The following CYP2C19 variants were observed in gnomAD, a reference collection of about 807,000 sequenced individuals.
CYP2C19 encodes cytochrome P450 2C19.
CYP2C19 carries 59 observed loss-of-function variants against 40.9 expected under a neutral mutation model. The observed-to-expected ratio is 1.44, with a 90% CI of 1.17 to 1.79. The LOEUF (loss-of-function observed/expected upper bound fraction) is 1.79. Among genes scored for constraint, CYP2C19 ranks in the 40% most tolerant of loss-of-function variants. The probability of loss-of-function intolerance (pLI) is 0.00; values close to 1 mark genes in which losing one functional copy is unlikely to be tolerated. For missense variants in CYP2C19, 754 were observed against 596.9 expected (o/e 1.26, Z -2.74); for synonymous variants, 253 against 208.7 (o/e 1.21, Z -1.83).
chr10:94,800,367 T>C (rs1381869889), intron 5 of CYP2C19, among the ~76,000 whole-genome samples: 3 of 152,116 alleles, frequency 2.0e-5, no homozygotes, highest in Non-Finnish European at 4.4e-5. Context: ...GAACAGCAAA[T>C]ATTGCTGCCT....
intron 5 of CYP2C19, among the ~76,000 whole-genome samples, chr10:94,807,732 G>A (rs1352467681): frequency 1.3e-5 from 2 of 151,982 alleles, no homozygotes; most frequent in Admixed American, 6.6e-5. Flanking sequence ...TTTAATTGTA[G>A]TATTTGTTTT....
intron 3 of CYP2C19, 106 bp downstream of exon 3, chr10:94,775,645 G>A: frequency 6.3e-7 from 1 of 1,588,556 alleles, no homozygotes; most frequent in African/African-American, 1.3e-5. Context: ...TTGGAGTCCT[G>A]GTTGTTAGCT....
intron 6 of CYP2C19, among the ~76,000 whole-genome samples, chr10:94,822,018 A>G (rs1054791841): frequency 2.0e-5 from 3 of 152,044 alleles, no homozygotes; most frequent in Non-Finnish European, 4.4e-5. Flanking sequence ...TTTACTTCCC[A>G]TTTATAAGTG....
At chr10:94,807,923 G>A (rs1312265986) in intron 5 of CYP2C19, among the ~76,000 whole-genome samples, 2 of 152,094 alleles carry the variant, frequency 1.3e-5, no homozygotes, top group East Asian at 3.9e-4. Flanking sequence ...TCAGTTGCCT[G>A]TGCTTTTGAA....
chr10:94,851,345 G>T (rs141019273), intron 8 of CYP2C19, among the ~76,000 whole-genome samples: 2,783 of 151,326 alleles, frequency 0.018, 61 homozygotes, highest in Non-Finnish European at 0.027. Flanking sequence ...CATCCCCTAT[G>T]ATGCAATCAC....
chr10:94,789,311 G>A (rs535997172), intron 5 of CYP2C19, among the ~76,000 whole-genome samples: 5 of 151,982 alleles, frequency 3.3e-5, no homozygotes, highest in East Asian at 1.9e-4. Flanking sequence ...TCACTCTGAC[G>A]ATAGTTTCTT....
At chr10:94,847,339 G>A (rs1231637408) in intron 7 of CYP2C19, among the ~76,000 whole-genome samples, 2 of 151,982 alleles carry the variant, frequency 1.3e-5, no homozygotes, top group East Asian at 3.9e-4. Context: ...TTGGTTTTTT[G>A]TCCTTGTGAT....
chr10:94,802,977 CT>C (rs1848787071), intron 5 of CYP2C19, among the ~76,000 whole-genome samples: 1 of 152,108 alleles, frequency 6.6e-6, no homozygotes, highest in South Asian at 2.1e-4. Flanking sequence ...ATGGGTTTTC[CT>C]TTGTGGGTAA....
Position 94,852,992 on chromosome 10 carries a change from ATGCTT to A in CYP2C19, c.*79_*83del. On this transcript the variant is annotated 3_prime_UTR_variant, in exon 9 of 9. Transcript: ENST00000371321. ...TCTGGTCCAAATTTCACTATCTGTGATGCTTCTTCTGACCCGTCATCTCACATTTT... is the reference window on the plus strand; with the variant it reads ...TCTGGTCCAAATTTCACTATCTGTGACTTCTGACCCGTCATCTCACATTTT... The A allele has an allele frequency of 6.9e-7, 1 of 1,454,392 alleles. No individual in the cohort carries two copies. Among genetic ancestry groups the A allele is most frequent in the Non-Finnish European group, 9.5e-7 (1 of 1,050,420 alleles). 90.1% of individuals were successfully genotyped at this position (1,454,392 alleles called of 1,614,324 possible). A position where few individuals can be genotyped will look rare whatever the true frequency, so the allele number is the denominator to read the frequency against.
intron 6 of CYP2C19, among the ~76,000 whole-genome samples, chr10:94,841,305 T>A (rs538546242): frequency 6.6e-6 from 1 of 152,300 alleles, no homozygotes; most frequent in African/African-American, 2.4e-5. Flanking sequence ...CTATCGGGAA[T>A]GGCAATGGGA....
At chr10:94,849,835 G>C in intron 7 of CYP2C19, 82 bp from the exon 8 acceptor site, 2 of 1,536,086 alleles carry the variant, frequency 1.3e-6, no homozygotes, top group Non-Finnish European at 1.8e-6. Flanking sequence ...TACATCAAAA[G>C]ATTTAACTGC....
intron 5 of CYP2C19, among the ~76,000 whole-genome samples, chr10:94,807,849 CT>C (rs1451245634): frequency 6.6e-6 from 1 of 152,092 alleles, no homozygotes; most frequent in South Asian, 2.1e-4. Context: ...TGTCTTTCCA[CT>C]TTATTGAATG....
chr10:94,762,942 TCC>T (rs1449512377), intron 1 of CYP2C19, 69 bp downstream of exon 1: 6 of 1,445,260 alleles, frequency 4.2e-6, no homozygotes, highest in African/African-American at 2.8e-5. Flanking sequence ...ATAAAGTATA[TCC>T]CTAGAGGTAC....
intron 1 of CYP2C19, among the ~76,000 whole-genome samples, chr10:94,773,041 A>C (rs1044426676): frequency 4.0e-5 from 6 of 151,864 alleles, no homozygotes; most frequent in Non-Finnish European, 7.4e-5. Flanking sequence ...TCGGCCTCCC[A>C]AAGTGCTGGG....
intron 3 of CYP2C19, among the ~76,000 whole-genome samples, chr10:94,776,658 A>G (rs1453263400): frequency 1.3e-5 from 2 of 152,176 alleles, no homozygotes; most frequent in African/African-American, 4.8e-5. Flanking sequence ...TTTCAAAATA[A>G]TAAGAGCTAT....
intron 1 of CYP2C19, among the ~76,000 whole-genome samples, chr10:94,773,293 A>T (rs4277036): frequency 0.48 from 73,089 of 151,960 alleles, 18,502 homozygotes; most frequent in African/African-American, 0.62. Context: ...CTGCGGACCC[A>T]CATGGTGAGT....
chr10:94,781,126 T>G (rs1382742881), intron 4 of CYP2C19, among the ~76,000 whole-genome samples: 1 of 152,186 alleles, frequency 6.6e-6, no homozygotes. Flanking sequence ...CAAGAAACAC[T>G]GAATAGGGCA....
chr10:94,798,452 A>G (rs946489575), intron 5 of CYP2C19, among the ~76,000 whole-genome samples: 1 of 152,178 alleles, frequency 6.6e-6, no homozygotes, highest in African/African-American at 2.4e-5. Context: ...TGGTGCTGAG[A>G]AGAATGTATA....
At chr10:94,796,123 T>C (rs963993026) in intron 5 of CYP2C19, among the ~76,000 whole-genome samples, 4 of 152,334 alleles carry the variant, frequency 2.6e-5, no homozygotes, top group Non-Finnish European at 4.4e-5. Flanking sequence ...AGGGTTTTTA[T>C]GGTTTTAGGT....
Sources: allele counts gnomAD v4.1 joint callset (sites outside exome capture counted in the v4.1 genomes callset), GRCh38; gene constraint gnomAD v4.1.1; transcripts MANE v1.5; gene names NCBI Gene and HGNC (gene_info 2026-07-23, HGNC 2026-07-21).